Variants in KCNB2 observed in about 807,000 individuals in gnomAD.
The protein encoded by KCNB2 is potassium voltage-gated channel subfamily B member 2, also known as delayed rectifier potassium channel protein.
Under a neutral mutation model 61.5 loss-of-function variants are expected in KCNB2, and 15 were observed. The observed-to-expected ratio is 0.24, with a 90% CI of 0.16 to 0.38. The LOEUF is 0.38. Ranked by LOEUF, KCNB2 falls within the 10% of genes least tolerant of loss-of-function variation. The probability of loss-of-function intolerance (pLI) is 1.00; values close to 1 mark genes in which losing one functional copy is unlikely to be tolerated. For missense variants in KCNB2, 828 were observed against 1,125.2 expected, an observed-to-expected ratio of 0.74 and a Z score of 3.78; for synonymous variants, 457 against 446.0, an observed-to-expected ratio of 1.02 and a Z score of -0.31.
intron 2 of KCNB2, among the ~76,000 whole-genome samples, chr8:72,666,387 T>C (rs1460006082): frequency 3.3e-5 from 5 of 152,200 alleles, no homozygotes; most frequent in Non-Finnish European, 7.3e-5. Context: ...TGAGAAAGTG[T>C]GATTTTGCCC....
At chr8:72,776,822 A>G (rs941666616) in intron 2 of KCNB2, among the ~76,000 whole-genome samples, 1 of 152,154 alleles carries the variant, frequency 6.6e-6, no homozygotes, top group Admixed American at 6.5e-5. Flanking sequence ...TTAGGGAGAG[A>G]GGAGACCTTG....
chr8:72,669,520 A>T (rs1317380556), intron 2 of KCNB2, among the ~76,000 whole-genome samples: 2 of 152,240 alleles, frequency 1.3e-5, no homozygotes, highest in Non-Finnish European at 2.9e-5. Flanking sequence ...TGGAAATGTC[A>T]CTGTAATAAA....
chr8:72,616,142 G>A (rs750661600), intron 2 of KCNB2, among the ~76,000 whole-genome samples: 3 of 152,134 alleles, frequency 2.0e-5, no homozygotes, highest in Admixed American at 6.5e-5. Flanking sequence ...GTTTTAAGTC[G>A]AAGGATTCCT....
chr8:72,571,309 T>A (rs1467106153), intron 2 of KCNB2, among the ~76,000 whole-genome samples: 1 of 152,206 alleles, frequency 6.6e-6, no homozygotes, highest in East Asian at 1.9e-4. Context: ...CAATAGCAAG[T>A]CAACTCCTAT....
At chr8:72,864,604 G>T (rs1355972655) in intron 2 of KCNB2, among the ~76,000 whole-genome samples, 1 of 152,166 alleles carries the variant, frequency 6.6e-6, no homozygotes, top group Non-Finnish European at 1.5e-5. Context: ...GATCAAGATA[G>T]GTGAGGTTTC....
intron 2 of KCNB2, among the ~76,000 whole-genome samples, chr8:72,697,381 TCATTA>T (rs1280214445): frequency 6.6e-6 from 1 of 152,188 alleles, no homozygotes; most frequent in Non-Finnish European, 1.5e-5. Context: ...CTATGTCTTT[TCATTA>T]CCTAATTCTC....
At chr8:72,844,539 A>G (rs1809952967) in intron 2 of KCNB2, among the ~76,000 whole-genome samples, 2 of 152,162 alleles carry the variant, frequency 1.3e-5, no homozygotes, top group Admixed American at 6.5e-5. Context: ...GTGTTTTCCA[A>G]CTTGGTTCCA....
At chr8:72,894,235 G>T (rs932811167) in intron 2 of KCNB2, among the ~76,000 whole-genome samples, 1 of 152,084 alleles carries the variant, frequency 6.6e-6, no homozygotes, top group Admixed American at 6.5e-5. Context: ...GACCGTAAAG[G>T]TGGAGTAGTG....
chr8:72,933,035 G>A (rs1047070225), intron 2 of KCNB2, among the ~76,000 whole-genome samples: 1 of 152,148 alleles, frequency 6.6e-6, no homozygotes, highest in African/African-American at 2.4e-5. Context: ...ATTTCAACAT[G>A]AGAAAGATAA....
intron 2 of KCNB2, among the ~76,000 whole-genome samples, chr8:72,608,612 G>C (rs1387190151): frequency 6.6e-6 from 1 of 152,118 alleles, no homozygotes; most frequent in Non-Finnish European, 1.5e-5. Flanking sequence ...ACAAGGGAAG[G>C]AGCTAGCCTC....
chr8:72,636,157 G>A (rs890250779), intron 2 of KCNB2, among the ~76,000 whole-genome samples: 2 of 152,108 alleles, frequency 1.3e-5, no homozygotes, highest in Non-Finnish European at 2.9e-5. Context: ...CTTTTTCATA[G>A]ATTTAGGTCT....
At chr8:72,698,198 C>T (rs1807050013) in intron 2 of KCNB2, among the ~76,000 whole-genome samples, 1 of 152,062 alleles carries the variant, frequency 6.6e-6, no homozygotes, top group Admixed American at 6.6e-5. Flanking sequence ...AGTAGCATTT[C>T]TGTATGCCAA....
intron 2 of KCNB2, among the ~76,000 whole-genome samples, chr8:72,668,322 A>T (rs1806511287): frequency 6.6e-6 from 1 of 152,192 alleles, no homozygotes; most frequent in Admixed American, 6.5e-5. Flanking sequence ...CAGAGGCCAC[A>T]TTGACACCAC....
chr8:72,839,265 A>G (rs961108951), intron 2 of KCNB2, among the ~76,000 whole-genome samples: 1 of 152,224 alleles, frequency 6.6e-6, no homozygotes, highest in Non-Finnish European at 1.5e-5. Flanking sequence ...TTAAATGATT[A>G]GTCATTATTT....
chr8:72,701,107 A>G (rs1000615157), intron 2 of KCNB2, among the ~76,000 whole-genome samples: 2 of 152,088 alleles, frequency 1.3e-5, no homozygotes, highest in Non-Finnish European at 2.9e-5. Context: ...GAGTTGAAAA[A>G]CTAACTGTTG....
intron 1 of KCNB2, among the ~76,000 whole-genome samples, chr8:72,557,141 C>T (rs57000266): frequency 0.051 from 7,706 of 152,130 alleles, 343 homozygotes; most frequent in African/African-American, 0.12. Flanking sequence ...TGATGGGATG[C>T]AAGCATTCAG....
Position 72,597,001 on chromosome 8 carries a change from C to CTTTTTTT in KCNB2, c.579+28723_579+28729dup, listed in dbSNP as rs869160203. Among the ~76,000 whole-genome samples, 179 of 64,624 alleles carry CTTTTTTT rather than the reference C, an allele frequency of 2.8e-3. 25 individuals are homozygous for CTTTTTTT. The highest frequency in any genetic ancestry group is 6.3e-3 in the East Asian group (10 of 1,592). The allele number at this position is 64,624 out of a possible 152,430, so 42.4% of individuals were successfully genotyped here. ...GCATGCTTGCTTGCTTGCTTGCTTG[C>CTTTTTTT]TTTTTTTTTTTTTTTTTTTTTTTTT... On this transcript the variant is annotated intron_variant, in intron 2 of 2. Transcript: ENST00000523207.
intron 2 of KCNB2, among the ~76,000 whole-genome samples, chr8:72,823,230 C>T (rs1394155613): frequency 6.6e-6 from 1 of 152,054 alleles, no homozygotes; most frequent in Non-Finnish European, 1.5e-5. Flanking sequence ...CCAGCAGAAG[C>T]CAGAAAGAGA....
chr8:72,836,727 ATGG>A (rs1438009221), intron 2 of KCNB2, among the ~76,000 whole-genome samples: 3 of 152,192 alleles, frequency 2.0e-5, no homozygotes, highest in Admixed American at 1.3e-4. Flanking sequence ...CCTCAGCAAC[ATGG>A]TGAGACCCTG....
Sources: allele counts gnomAD v4.1 joint callset (sites outside exome capture counted in the v4.1 genomes callset), GRCh38; gene constraint gnomAD v4.1.1; transcripts MANE v1.5; gene names NCBI Gene and HGNC (gene_info 2026-07-23, HGNC 2026-07-21).